Variants in RAB33B observed in about 807,000 individuals in gnomAD.
RAB33B encodes the protein RAB33B, member RAS oncogene family, also known as ras-related protein Rab-33B.
In RAB33B, 6 loss-of-function variants were observed where a neutral mutation model predicts 15.0. The observed-to-expected ratio is 0.40, with a 90% CI of 0.22 to 0.79. The LOEUF is 0.79. RAB33B is among the 30% of genes least tolerant of loss of function. The pLI is 0.37. For missense variants in RAB33B, 257 were observed against 296.4 expected (o/e 0.87, Z 0.98); for synonymous variants, 117 against 108.3 (o/e 1.08, Z -0.50).
chr4:139,463,241 C>T (rs903001739), intron 1 of RAB33B, among the ~76,000 whole-genome samples: 4 of 152,138 alleles, frequency 2.6e-5, no homozygotes, highest in Admixed American at 1.3e-4. Flanking sequence ...GTCAGCTAAC[C>T]GCAACCTCTG....
At chr4:139,471,499 AC>A (rs1750390484) in intron 1 of RAB33B, among the ~76,000 whole-genome samples, 3 of 148,098 alleles carry the variant, frequency 2.0e-5, no homozygotes. Context: ...ATGAGTGCTC[AC>A]CTGATTTTTG....
chr4:139,458,151 G>A (rs1299547950), intron 1 of RAB33B, among the ~76,000 whole-genome samples: 2 of 152,212 alleles, frequency 1.3e-5, no homozygotes, highest in Admixed American at 1.3e-4. Flanking sequence ...GTTCCAGCTG[G>A]GTGTTGTGGC....
intron 1 of RAB33B, among the ~76,000 whole-genome samples, chr4:139,467,308 C>CGGGT: frequency 5.7e-5 from 1 of 17,618 alleles, no homozygotes; most frequent in African/African-American, 1.1e-4. Context: ...CCCCCCGCCG[C>CGGGT]TTTTTTTTTT....
At chr4:139,453,387 C>G (rs1210406606), upstream of RAB33B, 5 of 152,394 alleles carry the variant, frequency 3.3e-5, no homozygotes, top group African/African-American at 1.2e-4. Context: ...AGCCTGCTCT[C>G]CGGCAGCCCA....
the RAB33B span, among the ~76,000 whole-genome samples, chr4:139,438,618 A>C: frequency 1.5e-4 from 23 of 152,128 alleles, no homozygotes; most frequent in South Asian, 4.6e-3. Context: ...GTCTGATGGC[A>C]AATCAGTAAT....
At position 139,467,638 on chromosome 4, in the gene RAB33B, G is replaced by A. The variant is rs115208849; in HGVS notation, c.250-5048G>A. Among the ~76,000 whole-genome samples the A allele has an allele frequency of 1.5e-4, 22 of 151,456 alleles. No individual in the cohort carries two copies. In the East Asian group the frequency reaches 3.1e-3, roughly 21 times the overall value. On this transcript the variant is annotated intron_variant, in intron 1 of 1. Transcript: ENST00000305626. ...TTGGGAGGCTGAAAGCAGGCAAATC[G>A]CTTGAGCTGAGGAGTTCAGACCAGC...
At chr4:139,470,298 C>T (rs1334356251) in intron 1 of RAB33B, among the ~76,000 whole-genome samples, 1 of 152,184 alleles carries the variant, frequency 6.6e-6, no homozygotes, top group Non-Finnish European at 1.5e-5. Flanking sequence ...CTCCCATTTC[C>T]AAAGACAGAG....
chr4:139,462,215 G>A (rs1750187086), intron 1 of RAB33B, among the ~76,000 whole-genome samples: 1 of 151,792 alleles, frequency 6.6e-6, no homozygotes, highest in Non-Finnish European at 1.5e-5. Context: ...CACCACGCCC[G>A]GCTAACTTTT....
chr4:139,470,930 C>T (rs117280432), intron 1 of RAB33B, among the ~76,000 whole-genome samples: 3 of 152,168 alleles, frequency 2.0e-5, no homozygotes, highest in Non-Finnish European at 2.9e-5. Flanking sequence ...CCTCCCCACT[C>T]TTCCCTCTCC....
At position 139,474,466 on chromosome 4, in the gene RAB33B, A is replaced by C. The variant is rs1750461935; in HGVS notation, c.*1340A>C. The C allele has an allele frequency of 6.6e-6, 1 of 152,254 alleles. No homozygotes were observed. The highest frequency in any genetic ancestry group is 2.1e-4 in the South Asian group (1 of 4,832). The allele number at this position is 152,254 out of a possible 1,614,324, so 9.4% of individuals were successfully genotyped here. ...TCTTGCTCTTCCTTCAACTCCAATA[A>C]ATTTAATGACTAAATGCCAAGTTAA... On this transcript the variant is annotated 3_prime_UTR_variant, in exon 2 of 2. Coordinates refer to ENST00000305626, the MANE Select transcript of RAB33B (RefSeq NM_031296.3).
chr4:139,448,017 C>G, the RAB33B span, among the ~76,000 whole-genome samples: 11 of 152,258 alleles, frequency 7.2e-5, no homozygotes, highest in African/African-American at 2.4e-4. Flanking sequence ...ACAGTGTTGG[C>G]TGGGGTGATT....
upstream of RAB33B, chr4:139,450,811 A>G (rs1749902936): frequency 6.6e-6 from 1 of 152,020 alleles, no homozygotes; most frequent in Non-Finnish European, 1.5e-5. Flanking sequence ...CACTGTCATC[A>G]GGAGGTGGCA....
chr4:139,473,107 C>T lies in RAB33B; in HGVS notation c.671C>T (p.Ala224Val), dbSNP rs764278121. ...GIILKPEPKP[A>V]MTCWC ...ATCCTGAAGCCTGAACCAAAGCCTG[C>T]AATGACGTGCTGGTGCTAAATAACA... Residue 224 changes from alanine to valine, a missense_variant, in exon 2 of 2, where the codon GCA (alanine) becomes GTA (valine). Transcript: ENST00000305626. 1.1e-5 allele frequency: 18 copies of T among 1,602,444 alleles called. No individual in the cohort carries two copies. Among genetic ancestry groups the T allele is most frequent in the Middle Eastern group, 3.3e-4 (2 of 6,004 alleles).
At chr4:139,467,308 C>CGGTT in intron 1 of RAB33B, among the ~76,000 whole-genome samples, 1 of 17,618 alleles carries the variant, frequency 5.7e-5, no homozygotes, top group South Asian at 3.2e-3. Flanking sequence ...CCCCCCGCCG[C>CGGTT]TTTTTTTTTT....
At chr4:139,464,761 G>A (rs1361710890) in intron 1 of RAB33B, among the ~76,000 whole-genome samples, 9 of 152,102 alleles carry the variant, frequency 5.9e-5, no homozygotes, top group Non-Finnish European at 8.8e-5. Context: ...GTGTATATGT[G>A]CCACATTTTC....
In RAB33B at chr4:139,457,364, GTA is replaced by G. The variant is rs766907150; in HGVS notation, c.249+2924_249+2925del. The stretch of plus-strand genomic sequence containing the variant: ...TAATCCTTATGCTCCTTCCTCGTGT[GTA>G]TATCCCCTTCATGACTAATTGTATT... On this transcript the variant is annotated intron_variant, in intron 1 of 1. Coordinates refer to ENST00000305626, the MANE Select transcript of RAB33B (RefSeq NM_031296.3). Among the ~76,000 whole-genome samples the G allele has an allele frequency of 3.3e-5, 5 of 152,304 alleles. No individual in the cohort carries two copies. The East Asian group carries it at 9.6e-4, about 29-fold the overall frequency.
At position 139,473,303 on chromosome 4, in the gene RAB33B, G is replaced by A; in HGVS notation, c.*177G>A. 1.6e-6 allele frequency: 1 copy of A among 614,830 alleles called. No individual in the cohort carries two copies. Among genetic ancestry groups the A allele is most frequent in the Non-Finnish European group, 2.7e-6 (1 of 374,320 alleles). The allele number at this position is 614,830 out of a possible 1,614,324, so 38.1% of individuals were successfully genotyped here. A position where few individuals can be genotyped will look rare whatever the true frequency, so the allele number is the denominator to read the frequency against. ...TAAGTTTGTCACTGTGACAACACAG[G>A]AAAAGTTGGTTTTCAGGTGAGATTG... On this transcript the variant is annotated 3_prime_UTR_variant, in exon 2 of 2. Transcript: ENST00000305626.
the RAB33B span, among the ~76,000 whole-genome samples, chr4:139,446,851 A>G: frequency 6.6e-6 from 1 of 152,336 alleles, no homozygotes; most frequent in East Asian, 1.9e-4. Flanking sequence ...CCAATTTGCC[A>G]GCAGCAGAGA....
chr4:139,440,919 CCTTT>C, the RAB33B span, among the ~76,000 whole-genome samples: 1 of 152,178 alleles, frequency 6.6e-6, no homozygotes, highest in South Asian at 2.1e-4. Context: ...CCTCTCTTTT[CCTTT>C]TTTTGGTCTT....
Sources: gnomAD v4.1 joint callset for allele counts (sites outside exome capture counted in the v4.1 genomes callset) on GRCh38, gnomAD v4.1.1 for gene constraint, MANE v1.5 for transcripts, NCBI Gene and HGNC (gene_info 2026-07-23, HGNC 2026-07-21) for gene names.